Variants in TRAF3 observed in about 807,000 individuals in gnomAD.
TRAF3 encodes TNF receptor-associated factor 3.
Under a neutral mutation model 62.3 loss-of-function variants are expected in TRAF3, and 13 were observed. The ratio of observed to expected loss-of-function variants is 0.21; its 90% CI spans 0.14 to 0.33. The LOEUF (loss-of-function observed/expected upper bound fraction) is 0.33. Among genes scored for constraint, TRAF3 ranks in the 10% least tolerant of loss-of-function variants. The probability of loss-of-function intolerance (pLI) is 1.00; values close to 1 mark genes in which losing one functional copy is unlikely to be tolerated. For missense variants in TRAF3, 440 were observed against 741.8 expected (o/e 0.59, Z 4.73); for synonymous variants, 269 against 283.4 (o/e 0.95, Z 0.51).
intron 2 of TRAF3, among the ~76,000 whole-genome samples, chr14:102,836,402 G>C (rs1330891997): frequency 6.6e-6 from 1 of 152,208 alleles, no homozygotes; most frequent in Non-Finnish European, 1.5e-5. Context: ...TCAAGATATT[G>C]ATTAATTTTT....
chr14:102,875,786 C>T, intron 5 of TRAF3, 58 bp downstream of exon 5: 1 of 1,450,320 alleles, frequency 6.9e-7, no homozygotes, highest in African/African-American at 1.4e-5. Context: ...TCCCTTACAT[C>T]CAGCTGATGA....
intron 2 of TRAF3, among the ~76,000 whole-genome samples, chr14:102,831,569 C>G (rs771508845): frequency 2.0e-5 from 3 of 152,190 alleles, no homozygotes; most frequent in Non-Finnish European, 4.4e-5. Flanking sequence ...GTCCAGCTCT[C>G]CTGAGTGCTC....
intron 8 of TRAF3, among the ~76,000 whole-genome samples, chr14:102,890,951 T>G (rs1889676652): frequency 6.6e-6 from 1 of 152,248 alleles, no homozygotes; most frequent in South Asian, 2.1e-4. Flanking sequence ...CCACTTATGC[T>G]ATATTTTAAT....
chr14:102,891,212 A>C (rs1445503456), intron 8 of TRAF3, 113 bp from the exon 9 acceptor site: 3 of 1,005,336 alleles, frequency 3.0e-6, no homozygotes, highest in African/African-American at 3.2e-5. Flanking sequence ...CACTTGACGC[A>C]AATAGGTCTC....
intron 1 of TRAF3, among the ~76,000 whole-genome samples, chr14:102,779,268 G>GTTT (rs1897170192): frequency 9.4e-5 from 7 of 74,146 alleles, no homozygotes; most frequent in Non-Finnish European, 1.7e-4. Flanking sequence ...GAGAATTCCA[G>GTTT]CTTTTTTTTT....
chr14:102,825,612 G>T (rs777544563), intron 1 of TRAF3, among the ~76,000 whole-genome samples: 11 of 152,242 alleles, frequency 7.2e-5, no homozygotes, highest in African/African-American at 1.4e-4. Flanking sequence ...GGCTACGCTT[G>T]GGCTTCTGGC....
At chr14:102,780,690 TA>T (rs1383205703) in intron 1 of TRAF3, among the ~76,000 whole-genome samples, 1 of 152,152 alleles carries the variant, frequency 6.6e-6, no homozygotes. Context: ...AGTGGATTGT[TA>T]ATTGGGACTT....
intron 10 of TRAF3, among the ~76,000 whole-genome samples, chr14:102,901,367 A>C (rs1046333399): frequency 7.2e-5 from 11 of 152,150 alleles, no homozygotes; most frequent in Non-Finnish European, 1.5e-5. Flanking sequence ...TAAGTTACAA[A>C]GGGCGTCTCT....
intron 2 of TRAF3, 73 bp from the exon 3 acceptor site, chr14:102,870,112 T>C: frequency 1.2e-6 from 2 of 1,606,200 alleles, no homozygotes; most frequent in Non-Finnish European, 1.7e-6. Context: ...TCAGGCACTT[T>C]TGCTTTCCCA....
chr14:102,781,172 T>C lies in TRAF3; in HGVS notation c.-157+3497T>C, dbSNP rs568869864. Among the ~76,000 whole-genome samples the C allele has an allele frequency of 2.8e-5, 3 of 105,300 alleles. No homozygotes were observed. In the East Asian group the frequency reaches 8.5e-4, roughly 30 times the overall value. The allele number at this position is 105,300 out of a possible 152,430, so 69.1% of individuals were successfully genotyped here. A position where few individuals can be genotyped will look rare whatever the true frequency, so the allele number is the denominator to read the frequency against. The stretch of plus-strand genomic sequence containing the variant: ...TATAGTGGGGCCATCTGGTCCCTCT[T>C]ACAGGGCCCCCTCCCACTTTGTTTT... On this transcript the variant is annotated intron_variant, in intron 1 of 11. Coordinates refer to ENST00000392745, the MANE Select transcript of TRAF3 (RefSeq NM_145725.3).
At chr14:102,884,309 T>C (rs892825114) in intron 6 of TRAF3, among the ~76,000 whole-genome samples, 1 of 152,202 alleles carries the variant, frequency 6.6e-6, no homozygotes, top group African/African-American at 2.4e-5. Flanking sequence ...ATTTAGGGTC[T>C]GCCCGACGCC....
chr14:102,866,637 A>G (rs926160871), intron 2 of TRAF3, among the ~76,000 whole-genome samples: 3 of 152,056 alleles, frequency 2.0e-5, no homozygotes, highest in Non-Finnish European at 4.4e-5. Flanking sequence ...TGAGGCCAGG[A>G]GTTTGAGAGC....
chr14:102,864,203 C>T (rs1027036830), intron 2 of TRAF3, among the ~76,000 whole-genome samples: 2 of 144,564 alleles, frequency 1.4e-5, no homozygotes, highest in South Asian at 2.2e-4. Flanking sequence ...GGCTGGAGTG[C>T]AGTGGCGCCA....
intron 2 of TRAF3, among the ~76,000 whole-genome samples, chr14:102,837,706 T>A (rs1162726768): frequency 6.6e-6 from 1 of 152,194 alleles, no homozygotes; most frequent in African/African-American, 2.4e-5. Flanking sequence ...TATTGATATT[T>A]TGGAAATTTT....
At chr14:102,891,181 T>C (rs1889690596) in intron 8 of TRAF3, 144 bp from the exon 9 acceptor site, 1 of 793,322 alleles carries the variant, frequency 1.3e-6, no homozygotes, top group African/African-American at 1.7e-5. Flanking sequence ...CAGCCCTCCT[T>C]AGGCGCAGAG....
rs202084269 is a variant in TRAF3, at chr14:102,905,604, A to G, written c.1527A>G (p.Gly509=). Reference sequence around the variant, plus strand: ...AGGGGTCCTCTCGACGTCATTTGGGAGATGCATTCAAGCCCGACCCCAACA... The same window carrying G: ...AGGGGTCCTCTCGACGTCATTTGGGGGATGCATTCAAGCCCGACCCCAACA... ...MDQGSSRRHL[G]DAFKPDPNSS... Residue 509 remains glycine, a synonymous_variant, in exon 12 of 12, where the codon GGA becomes GGG. Transcript: ENST00000392745. 6.2e-7 allele frequency: 1 copy of G among 1,614,168 alleles called. No individual in the cohort carries two copies. Among genetic ancestry groups the G allele is most frequent in the Non-Finnish European group, 8.5e-7 (1 of 1,180,036 alleles).
At chr14:102,889,096 G>A (rs535043419) in intron 7 of TRAF3, among the ~76,000 whole-genome samples, 14 of 152,304 alleles carry the variant, frequency 9.2e-5, no homozygotes, top group Non-Finnish European at 5.9e-5. Context: ...AGTATTATGA[G>A]TAATGGTACA....
At chr14:102,871,109 C>G (rs756060961) in intron 3 of TRAF3, among the ~76,000 whole-genome samples, 3 of 152,250 alleles carry the variant, frequency 2.0e-5, no homozygotes, top group Non-Finnish European at 4.4e-5. Flanking sequence ...GTCTTGGCCA[C>G]TGCCGTCAGG....
chr14:102,910,216 T>C lies in TRAF3; in HGVS notation c.*4432T>C, dbSNP rs1890793875. On this transcript the variant is annotated 3_prime_UTR_variant, in exon 12 of 12. Coordinates refer to ENST00000392745, the MANE Select transcript of TRAF3 (RefSeq NM_145725.3). ...TCCTCCCTCTACTGGGGGTAATTTG[T>C]GTGTCAGAAGGGCTCTGGCAGAGCT... 2 of 152,222 alleles carry C rather than the reference T, an allele frequency of 1.3e-5. No individual in the cohort carries two copies. Among genetic ancestry groups the C allele is most frequent in the Admixed American group, 1.3e-4 (2 of 15,286 alleles). The allele number at this position is 152,222 out of a possible 1,614,324, so 9.4% of individuals were successfully genotyped here.
Sources: gnomAD v4.1 joint callset for allele counts (sites outside exome capture counted in the v4.1 genomes callset) on GRCh38, gnomAD v4.1.1 for gene constraint, MANE v1.5 for transcripts, NCBI Gene and HGNC (gene_info 2026-07-23, HGNC 2026-07-21) for gene names.